The following USP40 variants were observed in gnomAD, a reference collection of about 807,000 sequenced individuals.
USP40 encodes ubiquitin carboxyl-terminal hydrolase 40.
Under a neutral mutation model 166.2 loss-of-function variants are expected in USP40, and 143 were observed. The observed-to-expected ratio is 0.86, with a 90% CI of 0.75 to 0.99. The LOEUF is 0.99. Among genes scored for constraint, USP40 ranks in the 50% least tolerant of loss-of-function variants. The pLI, the probability that USP40 is intolerant of heterozygous loss-of-function variation, is 0.00. For missense variants in USP40, 1,444 were observed against 1,479.7 expected (o/e 0.98, Z 0.40); for synonymous variants, 498 against 524.0 (o/e 0.95, Z 0.68).
rs936905482 is a variant in USP40 at position 233,486,135 on chromosome 2, C to T, written c.3198-158G>A. Among the ~76,000 whole-genome samples the T allele has an allele frequency of 1.3e-5, 2 of 152,166 alleles. No individual in the cohort carries two copies. Among genetic ancestry groups the T allele is most frequent in the East Asian group, 1.9e-4 (1 of 5,202 alleles). On this transcript the variant is annotated intron_variant, in intron 28 of 31. Transcript: ENST00000678225. The surrounding 1 kb of genome is among the most constrained non-coding windows in gnomAD (Gnocchi z 4.0). ...GGATGCTAGTGGCAAACTCTTATTC[C>T]GCATTTCAATTTCCTTTAATCTTGG...
chr2:233,527,979 GA>G (rs2068171443), intron 12 of USP40, among the ~76,000 whole-genome samples: 1 of 142,618 alleles, frequency 7.0e-6, no homozygotes, highest in Non-Finnish European at 1.5e-5. Flanking sequence ...ATTCTCCCAT[GA>G]TTTTTTTTTT....
intron 26 of USP40, 146 bp from the exon 27 acceptor site, chr2:233,489,629 C>T: frequency 1.5e-6 from 1 of 679,426 alleles, no homozygotes; most frequent in East Asian, 2.8e-5. Flanking sequence ...TTAAAAGTCA[C>T]AGGAATCTCT....
chr2:233,535,872 C>T (rs535793825), intron 10 of USP40, among the ~76,000 whole-genome samples: 1 of 152,188 alleles, frequency 6.6e-6, no homozygotes, highest in East Asian at 1.9e-4. Context: ...ACATACTGTA[C>T]ATTTCAAAAT....
intron 10 of USP40, among the ~76,000 whole-genome samples, chr2:233,536,643 CCT>C (rs1263566466): frequency 6.6e-6 from 1 of 152,112 alleles, no homozygotes; most frequent in African/African-American, 2.4e-5. Context: ...AGAGTGAGAT[CCT>C]GTCTCAAACA....
At position 233,512,592 on chromosome 2, in the gene USP40, C is replaced by CTTGAT; in HGVS notation, c.2413_2414insATCAA (p.Arg805AsnfsTer17). The CTTGAT allele has an allele frequency of 6.3e-7, 1 of 1,584,738 alleles. No homozygotes were observed. Among genetic ancestry groups the CTTGAT allele is most frequent in the Admixed American group, 1.8e-5 (1 of 55,956 alleles). ...ACCTGGACAAAGAAGCTTCCCATTTCTATCAATAGGTCTCAAACAGCTGTT... is the reference window on the plus strand; with the variant it reads ...ACCTGGACAAAGAAGCTTCCCATTTCTTGATTATCAATAGGTCTCAAACAGCTGTT... On this transcript the variant is annotated frameshift_variant, in exon 19 of 32. Coordinates refer to ENST00000678225, the MANE Select transcript of USP40 (RefSeq NM_001365479.2). LOFTEE classifies it high-confidence loss of function.
intron 7 of USP40, among the ~76,000 whole-genome samples, chr2:233,550,091 T>G (rs1165290093): frequency 1.3e-5 from 2 of 152,136 alleles, no homozygotes; most frequent in Non-Finnish European, 2.9e-5. Flanking sequence ...CTCAAGTCAG[T>G]GCTCATCTGT....
At chr2:233,478,001 C>T (rs1176760257) in intron 31 of USP40, among the ~76,000 whole-genome samples, 1 of 152,238 alleles carries the variant, frequency 6.6e-6, no homozygotes, top group Non-Finnish European at 1.5e-5. Flanking sequence ...GCGGCAGGTG[C>T]TCTGCGGCCG....
At chr2:233,515,596 T>C (rs1218116144) in intron 18 of USP40, among the ~76,000 whole-genome samples, 1 of 152,118 alleles carries the variant, frequency 6.6e-6, no homozygotes, top group East Asian at 1.9e-4. Context: ...TGAATGTAAG[T>C]TGATTGTCAA....
intron 5 of USP40, among the ~76,000 whole-genome samples, chr2:233,555,637 T>C (rs962662626): frequency 5.4e-5 from 5 of 92,556 alleles, no homozygotes; most frequent in South Asian, 6.4e-4. Context: ...AAAATCACTC[T>C]TTTTTTTTTT....
Position 233,491,173 on chromosome 2 carries a change from C to T in USP40, c.3006G>A (p.Lys1002=), listed in dbSNP as rs1291136978. Residue 1002 remains lysine (K), a synonymous_variant, in exon 26 of 32, where the codon AAG becomes AAA. Coordinates refer to ENST00000678225, the MANE Select transcript of USP40 (RefSeq NM_001365479.2). Reference sequence around the variant, plus strand: ...GTGCAGGAAGAAGTCTGACCTGAGACTTCAGCTCCGCCAGCGTGGCATCTT... The same window carrying T: ...GTGCAGGAAGAAGTCTGACCTGAGATTTCAGCTCCGCCAGCGTGGCATCTT... ...ISEDATLAEL[K]SQAMTLPPFL... 2 of 1,606,916 alleles carry T rather than the reference C, an allele frequency of 1.2e-6. No homozygotes were observed. Among genetic ancestry groups the T allele is most frequent in the Admixed American group, 3.4e-5 (2 of 59,252 alleles).
chr2:233,547,109 A>G (rs900934534), intron 8 of USP40: 3 of 152,214 alleles, frequency 2.0e-5, no homozygotes, highest in African/African-American at 7.2e-5. Context: ...TGGACAGGTA[A>G]AACAAAACTG....
rs1488351463 is a variant in USP40, at chr2:233,486,441, G to A, written c.3198-464C>T. Among the ~76,000 whole-genome samples the A allele has an allele frequency of 1.3e-5, 2 of 152,186 alleles. No homozygotes were observed. The highest frequency in any genetic ancestry group is 2.9e-5 in the Non-Finnish European group (2 of 68,032). On this transcript the variant is annotated intron_variant, in intron 28 of 31. Transcript: ENST00000678225. This position sits in a 1 kb window ranked among gnomAD's most constrained non-coding sequence, Gnocchi z 4.0. ...AGAAGAACCTGAGGGTTGGAATTGG[G>A]AAGAGAGACACAGGGCGGGTGAGAC...
intron 21 of USP40, 107 bp from the exon 22 acceptor site, chr2:233,500,022 A>T (rs539030582): frequency 5.8e-6 from 5 of 861,072 alleles, no homozygotes; most frequent in Non-Finnish European, 9.0e-6. Context: ...ACTATATTTA[A>T]TGATTCTTGA....
At chr2:233,522,724 A>C (rs1250118725) in intron 16 of USP40, among the ~76,000 whole-genome samples, 1 of 152,216 alleles carries the variant, frequency 6.6e-6, no homozygotes, top group African/African-American at 2.4e-5. Flanking sequence ...CACAGAACGG[A>C]TTATAAGGAA....
chr2:233,492,028 G>A (rs1001803274), intron 25 of USP40, among the ~76,000 whole-genome samples: 11 of 152,130 alleles, frequency 7.2e-5, no homozygotes, highest in African/African-American at 2.4e-4. Context: ...TGACACTACC[G>A]GAAAGATAAT....
At position 233,481,283 on chromosome 2, in the gene USP40, G is replaced by A. The variant is rs746793496; in HGVS notation, c.3519C>T (p.Asp1173=). 114 of 1,601,444 alleles carry A rather than the reference G, an allele frequency of 7.1e-5. No homozygotes were observed. Among genetic ancestry groups the A allele is most frequent in the Non-Finnish European group, 8.1e-5 (95 of 1,173,494 alleles). Reference sequence around the variant, plus strand: ...TGATTGTACTGAAATCATCATCGTCGTCAATCAGGAGATTCTACATTTCAA... The same window carrying A: ...TGATTGTACTGAAATCATCATCGTCATCAATCAGGAGATTCTACATTTCAA... ...DTIGVKNLLI[D]DDDDFSTIRD... The change falls in exon 31 of 32, where the codon GAC becomes GAT. Residue 1173 remains aspartate (D), a synonymous_variant. Coordinates refer to ENST00000678225, the MANE Select transcript of USP40 (RefSeq NM_001365479.2).
chr2:233,548,129 C>A (rs184829336), intron 8 of USP40, among the ~76,000 whole-genome samples: 2 of 152,180 alleles, frequency 1.3e-5, no homozygotes, highest in Admixed American at 1.3e-4. Context: ...AAATTGATTA[C>A]TCAATAAATA....
intron 21 of USP40, among the ~76,000 whole-genome samples, chr2:233,509,516 T>C (rs966464877): frequency 3.3e-5 from 5 of 152,078 alleles, no homozygotes; most frequent in Non-Finnish European, 5.9e-5. Flanking sequence ...CTATTATTGA[T>C]AGAAAGAAAA....
Position 233,486,341 on chromosome 2 carries a change from G to A in USP40, c.3198-364C>T, listed in dbSNP as rs2064947152. ...GATAGCCCGGCAGCTGGCAGGAGGA[G>A]AGCGGGCTCGAGGTAGGCAGTTATG... On this transcript the variant is annotated intron_variant, in intron 28 of 31. Coordinates refer to ENST00000678225, the MANE Select transcript of USP40 (RefSeq NM_001365479.2). The surrounding 1 kb of genome is among the most constrained non-coding windows in gnomAD (Gnocchi z 4.0). Among the ~76,000 whole-genome samples, 1 of 152,294 alleles carries A rather than the reference G, an allele frequency of 6.6e-6. No homozygotes were observed. The highest frequency in any genetic ancestry group is 2.4e-5 in the African/African-American group (1 of 41,558).
Sources: gnomAD v4.1 joint callset for allele counts (sites outside exome capture counted in the v4.1 genomes callset) on GRCh38, gnomAD v4.1.1 for gene constraint, Gnocchi (gnomAD v3.1) non-coding constraint, MANE v1.5 for transcripts, NCBI Gene and HGNC (gene_info 2026-07-23, HGNC 2026-07-21) for gene names.